The following NEGR1 variants were observed in gnomAD, a reference collection of about 807,000 sequenced individuals.
NEGR1 encodes IgLON family member 4.
NEGR1 carries 10 observed loss-of-function variants against 40.9 expected under a neutral mutation model. That is an observed-to-expected ratio of 0.24 (90% CI 0.15 to 0.42). The LOEUF is 0.42. Ranked by LOEUF, NEGR1 falls within the 10% of genes least tolerant of loss-of-function variation. The pLI is 1.00. For synonymous variants in NEGR1, 185 were observed against 166.8 expected (o/e 1.11, Z -0.84); for missense variants, 352 against 438.9 (o/e 0.80, Z 1.77).
intron 1 of NEGR1, among the ~76,000 whole-genome samples, chr1:72,032,644 T>C (rs1181163361): frequency 6.6e-6 from 1 of 152,176 alleles, no homozygotes; most frequent in African/African-American, 2.4e-5. Context: ...TTACAGAATG[T>C]TATTTGCACA....
intron 2 of NEGR1, among the ~76,000 whole-genome samples, chr1:71,869,930 A>G (rs1660228515): frequency 6.9e-6 from 1 of 145,696 alleles, no homozygotes; most frequent in Non-Finnish European, 1.5e-5. Context: ...CCCAGGCTGG[A>G]GTGCAGTGGC....
intron 1 of NEGR1, among the ~76,000 whole-genome samples, chr1:72,092,820 T>C (rs1648549586): frequency 6.6e-6 from 1 of 151,874 alleles, no homozygotes; most frequent in South Asian, 2.1e-4. Flanking sequence ...CCAGCTAAGT[T>C]TTTGTATTTT....
intron 3 of NEGR1, among the ~76,000 whole-genome samples, chr1:71,739,665 C>G (rs1224055750): frequency 2.6e-5 from 4 of 152,028 alleles, no homozygotes; most frequent in Admixed American, 2.0e-4. Context: ...TTTCATGGCC[C>G]TCACAAAATC....
chr1:71,520,596 C>G (rs1647149302), intron 6 of NEGR1, among the ~76,000 whole-genome samples: 2 of 151,918 alleles, frequency 1.3e-5, no homozygotes, highest in African/African-American at 2.4e-5. Context: ...AGCCTAGAAC[C>G]CTTTTTTGGT....
chr1:71,828,780 T>C (rs1658733335), intron 2 of NEGR1, among the ~76,000 whole-genome samples: 1 of 151,978 alleles, frequency 6.6e-6, no homozygotes, highest in Non-Finnish European at 1.5e-5. Context: ...GTTCTGATTC[T>C]GTGTCATTAT....
chr1:71,839,861 A>G (rs914858438), intron 2 of NEGR1, among the ~76,000 whole-genome samples: 7 of 152,148 alleles, frequency 4.6e-5, no homozygotes, highest in Admixed American at 2.6e-4. Context: ...TCACATTGTC[A>G]TTCTTTGAAG....
intron 1 of NEGR1, among the ~76,000 whole-genome samples, chr1:72,108,781 G>A (rs900289367): frequency 7.3e-5 from 11 of 151,510 alleles, no homozygotes; most frequent in Non-Finnish European, 1.3e-4. Flanking sequence ...ACAATGAACC[G>A]AGCCTCCTAA....
chr1:71,426,219 C>T (rs886070431), intron 6 of NEGR1, among the ~76,000 whole-genome samples: 1 of 152,264 alleles, frequency 6.6e-6, no homozygotes, highest in South Asian at 2.1e-4. Context: ...ATTTCTTTTA[C>T]TTGTGCCATT....
At chr1:72,021,399 G>A (rs1026472880) in intron 1 of NEGR1, among the ~76,000 whole-genome samples, 9 of 152,038 alleles carry the variant, frequency 5.9e-5, no homozygotes, top group African/African-American at 1.9e-4. Context: ...GATGTAAAAT[G>A]AGTACTTTTG....
chr1:71,792,346 A>C (rs1460043867), intron 2 of NEGR1, among the ~76,000 whole-genome samples: 1 of 152,154 alleles, frequency 6.6e-6, no homozygotes, highest in Non-Finnish European at 1.5e-5. Flanking sequence ...TAGAAGTCAC[A>C]GTGTATGCAT....
intron 1 of NEGR1, among the ~76,000 whole-genome samples, chr1:71,971,708 T>C (rs1344966178): frequency 6.6e-6 from 1 of 152,366 alleles, no homozygotes; most frequent in African/African-American, 2.4e-5. Flanking sequence ...ATATTTGATG[T>C]TAAAATATTT....
chr1:71,407,637 A>C, intron 6 of NEGR1, 67 bp from the exon 7 acceptor site: 1 of 1,523,518 alleles, frequency 6.6e-7, no homozygotes. Flanking sequence ...GACAATAATC[A>C]AAAGGTAGCC....
chr1:71,984,250 C>G (rs1467705904), intron 1 of NEGR1, among the ~76,000 whole-genome samples: 1 of 147,022 alleles, frequency 6.8e-6, no homozygotes, highest in Admixed American at 6.8e-5. Flanking sequence ...TCAGGTCCTA[C>G]TGCTCAACAG....
At chr1:71,592,593 T>A (rs1004022991) in intron 6 of NEGR1, among the ~76,000 whole-genome samples, 1 of 152,172 alleles carries the variant, frequency 6.6e-6, no homozygotes. Flanking sequence ...CTCTAACATA[T>A]TTTTTTAAAC....
intron 2 of NEGR1, among the ~76,000 whole-genome samples, chr1:71,845,237 A>C (rs1261329908): frequency 6.6e-6 from 1 of 152,054 alleles, no homozygotes; most frequent in Non-Finnish European, 1.5e-5. Context: ...ATAGAATTTT[A>C]TATATCTACA....
intron 2 of NEGR1, among the ~76,000 whole-genome samples, chr1:71,898,588 C>T (rs1661036834): frequency 6.6e-6 from 1 of 152,080 alleles, no homozygotes; most frequent in Non-Finnish European, 1.5e-5. Context: ...GCACTCCAGC[C>T]TGGGCGACAG....
At chr1:71,492,261 T>A (rs192933592) in intron 6 of NEGR1, among the ~76,000 whole-genome samples, 1 of 152,244 alleles carries the variant, frequency 6.6e-6, no homozygotes, top group East Asian at 1.9e-4. Context: ...AAGTAGAGAC[T>A]TACGGGAGTG....
intron 3 of NEGR1, among the ~76,000 whole-genome samples, chr1:71,705,743 A>G (rs1359632182): frequency 1.5e-4 from 23 of 151,940 alleles, no homozygotes; most frequent in Non-Finnish European, 7.4e-5. Flanking sequence ...AAAGAAAAGA[A>G]AGAAAAGAAA....
intron 1 of NEGR1, among the ~76,000 whole-genome samples, chr1:72,012,858 C>T (rs199507503): frequency 1.4e-3 from 133 of 95,312 alleles, no homozygotes; most frequent in African/African-American, 4.4e-3. Flanking sequence ...TATATATATA[C>T]ACACACACAT....
Sources: allele counts gnomAD v4.1 joint callset (sites outside exome capture counted in the v4.1 genomes callset), GRCh38; gene constraint gnomAD v4.1.1; transcripts MANE v1.5; gene names NCBI Gene and HGNC (gene_info 2026-07-23, HGNC 2026-07-21).